The following AARS1 variants were observed in gnomAD, a reference collection of about 807,000 sequenced individuals.
The protein encoded by AARS1 is alanyl-tRNA synthetase 1, also known as alanine--tRNA ligase, cytoplasmic.
A neutral mutation model predicts 108.9 loss-of-function variants in AARS1; 72 were observed. The ratio of observed to expected loss-of-function variants is 0.66; its 90% CI spans 0.55 to 0.80. AARS1 has a LOEUF of 0.80. Among genes scored for constraint, AARS1 ranks in the 30% least tolerant of loss-of-function variants. AARS1 has a pLI of 0.00. For synonymous variants in AARS1, 489 were observed against 465.7 expected (o/e 1.05, Z -0.64); for missense variants, 1,193 against 1,233.2 (o/e 0.97, Z 0.49).
At position 70,285,257 on chromosome 16, in the gene AARS1, G is replaced by A. The variant is rs1235265164; in HGVS notation, c.-21-2473C>T. Among the ~76,000 whole-genome samples, 5 of 151,730 alleles carry A rather than the reference G, an allele frequency of 3.3e-5. No individual in the cohort carries two copies. In the East Asian group the frequency reaches 7.7e-4, roughly 23 times the overall value. On this transcript the variant is annotated intron_variant, in intron 1 of 20. Coordinates refer to ENST00000261772, the MANE Select transcript of AARS1 (RefSeq NM_001605.3). ...AAAAAAAAAAAGGAAAACCTTGAAGGAACAGAATGGATAATATTACTTTTA... is the reference window on the plus strand; with the variant it reads ...AAAAAAAAAAAGGAAAACCTTGAAGAAACAGAATGGATAATATTACTTTTA...
At position 70,260,247 on chromosome 16, in the gene AARS1, A is replaced by G. The variant is rs1359220393; in HGVS notation, c.1785+797T>C. Among the ~76,000 whole-genome samples the G allele has an allele frequency of 2.6e-5, 4 of 152,208 alleles. No individual in the cohort carries two copies. In the East Asian group the frequency reaches 7.7e-4, roughly 29 times the overall value. Reference sequence around the variant, plus strand: ...AGTTTGCCAACCCCTGGCCTAGACAATGGATCTGATAGCTATCCTCTGAAC... The same window carrying G: ...AGTTTGCCAACCCCTGGCCTAGACAGTGGATCTGATAGCTATCCTCTGAAC... On this transcript the variant is annotated intron_variant, in intron 13 of 20. Coordinates refer to ENST00000261772, the MANE Select transcript of AARS1 (RefSeq NM_001605.3).
intron 13 of AARS1, among the ~76,000 whole-genome samples, chr16:70,260,422 G>C (rs1021830223): frequency 4.6e-5 from 7 of 152,074 alleles, no homozygotes; most frequent in Non-Finnish European, 8.8e-5. Flanking sequence ...TCTTACTCTG[G>C]AGCTCTGTCA....
In AARS1 at chr16:70,268,319, G is replaced by T; in HGVS notation, c.1023C>A (p.Ala341=). 1 of 1,614,176 alleles carries T rather than the reference G, an allele frequency of 6.2e-7. No individual in the cohort carries two copies. Among genetic ancestry groups the T allele is most frequent in the Non-Finnish European group, 8.5e-7 (1 of 1,180,026 alleles). Residue 341 remains alanine (A), a synonymous_variant, in exon 8 of 21, where the codon GCC becomes GCA. Transcript: ENST00000261772. ...AVRYAHEKLN[A]SRGFFATLVD... ...CTAACGTAGCAAAGAAGCCCCTGCT[G>T]GCATTGAGCTTTTCATGGGCGTATC...
intron 1 of AARS1, among the ~76,000 whole-genome samples, chr16:70,283,396 A>C (rs1241416386): frequency 1.3e-4 from 19 of 151,954 alleles, no homozygotes; most frequent in Admixed American, 1.2e-3. Context: ...ACTCCGTCTC[A>C]AAAAAACAAA....
chr16:70,276,842 A>G, intron 3 of AARS1, 124 bp downstream of exon 3: 1 of 1,253,472 alleles, frequency 8.0e-7, no homozygotes, highest in Non-Finnish European at 1.1e-6. Context: ...AATAAATGCC[A>G]TTCATTCCTG....
At chr16:70,283,353 C>T (rs1002741378) in intron 1 of AARS1, among the ~76,000 whole-genome samples, 8 of 151,310 alleles carry the variant, frequency 5.3e-5, no homozygotes, top group African/African-American at 1.7e-4. Context: ...GCCAAGACCA[C>T]ACCACTGCAC....
At chr16:70,262,992 A>AC (rs1960177420) in intron 11 of AARS1, among the ~76,000 whole-genome samples, 1 of 141,606 alleles carries the variant, frequency 7.1e-6, no homozygotes, top group Non-Finnish European at 1.5e-5. Flanking sequence ...AAAAAAAAAA[A>AC]AAAAAACAAC....
chr16:70,269,748 G>C lies in AARS1; in HGVS notation c.832C>G (p.Pro278Ala), dbSNP rs1251770154. 2 of 1,614,008 alleles carry C rather than the reference G, an allele frequency of 1.2e-6. No individual in the cohort carries two copies. Among genetic ancestry groups the C allele is most frequent in the Admixed American group, 1.7e-5 (1 of 59,982 alleles). ...TCAGCACCAACTTTCCCAGTGTATG[G>C]TCGGGCACCTGTGCCCTATAGATAA... ...EAIQKGTGARPYTGKVGAEDA... is the reference protein window; with the variant it reads ...EAIQKGTGARAYTGKVGAEDA... The change falls in exon 7 of 21, where the codon CCA becomes GCA. Residue 278 changes from proline to alanine, a missense_variant. Coordinates refer to ENST00000261772, the MANE Select transcript of AARS1 (RefSeq NM_001605.3).
chr16:70,254,054 G>T lies in AARS1; in HGVS notation c.2401-16C>A, dbSNP rs372138128. The T allele has an allele frequency of 6.2e-7, 1 of 1,613,388 alleles. No individual in the cohort carries two copies. Among genetic ancestry groups the T allele is most frequent in the Non-Finnish European group, 8.5e-7 (1 of 1,180,022 alleles). On this transcript the variant is annotated splice_polypyrimidine_tract_variant and intron_variant, in intron 17 of 20. Transcript: ENST00000261772. ...TGGCCAGGGCCTGGAACCAATAGAC[G>T]ACCATCTCAATCTGGGCCACAACTT...
intron 1 of AARS1, among the ~76,000 whole-genome samples, chr16:70,283,597 T>C (rs868565745): frequency 1.3e-5 from 2 of 152,090 alleles, no homozygotes; most frequent in Admixed American, 6.6e-5. Context: ...TCTGTGTTAA[T>C]GTACACGCCT....
chr16:70,275,725 T>A (rs899444665), intron 4 of AARS1, among the ~76,000 whole-genome samples: 6 of 151,478 alleles, frequency 4.0e-5, no homozygotes, highest in Non-Finnish European at 8.8e-5. Flanking sequence ...ATCGCGCCAC[T>A]GCACTCCAGC....
At chr16:70,260,920 C>A in intron 13 of AARS1, 124 bp downstream of exon 13, 1 of 746,168 alleles carries the variant, frequency 1.3e-6, no homozygotes, top group Non-Finnish European at 2.4e-6. Flanking sequence ...CCTCGGCCTC[C>A]CAAAGTGCTG....
intron 2 of AARS1, among the ~76,000 whole-genome samples, chr16:70,281,628 T>G (rs1440971035): frequency 1.3e-5 from 2 of 152,188 alleles, no homozygotes; most frequent in African/African-American, 4.8e-5. Context: ...ATCGTGCCAC[T>G]GCACTCCAGT....
chr16:70,253,279 G>C lies in AARS1; in HGVS notation c.2710C>G (p.Gln904Glu). The change falls in exon 20 of 21, where the codon CAA (glutamine) becomes GAA (glutamate). Residue 904 changes from glutamine (Q) to glutamate (E), a missense_variant. Coordinates refer to ENST00000261772, the MANE Select transcript of AARS1 (RefSeq NM_001605.3). ...GAGGTGGTGCTGACCTGGGGAACTT[G>C]ACACAGGCACGTGATCTTGCCAGCC... ...NEAGKITCLC[Q>E]VPQNAANRGL... 6.2e-7 allele frequency: 1 copy of C among 1,613,704 alleles called. No individual in the cohort carries two copies. The highest frequency in any genetic ancestry group is 8.5e-7 in the Non-Finnish European group (1 of 1,179,610).
intron 7 of AARS1, among the ~76,000 whole-genome samples, chr16:70,268,658 T>G (rs1960322880): frequency 6.6e-6 from 1 of 152,294 alleles, no homozygotes; most frequent in South Asian, 2.1e-4. Flanking sequence ...GTGTACTTGA[T>G]GCCTGTGATC....
At chr16:70,284,998 G>A (rs1960804296) in intron 1 of AARS1, among the ~76,000 whole-genome samples, 1 of 152,194 alleles carries the variant, frequency 6.6e-6, no homozygotes, top group African/African-American at 2.4e-5. Context: ...GGGAGGCCAA[G>A]GTGGGTGGAT....
At chr16:70,286,508 G>C (rs1960844665) in intron 1 of AARS1, among the ~76,000 whole-genome samples, 1 of 151,746 alleles carries the variant, frequency 6.6e-6, no homozygotes, top group African/African-American at 2.4e-5. Flanking sequence ...CTACAGGCAT[G>C]TGCCACCAAA....
intron 13 of AARS1, 61 bp from the exon 14 acceptor site, chr16:70,259,247 T>C: frequency 6.6e-7 from 1 of 1,518,830 alleles, no homozygotes; most frequent in South Asian, 1.1e-5. Flanking sequence ...ATCTCCTCGT[T>C]ATCTGCTCCC....
chr16:70,274,579 C>G (rs139244364), intron 4 of AARS1, among the ~76,000 whole-genome samples: 1,660 of 151,762 alleles, frequency 0.011, 31 homozygotes, highest in African/African-American at 0.038. Flanking sequence ...CAAAAATTAG[C>G]CAGGCGTGGT....
Sources: gnomAD v4.1 joint callset for allele counts (sites outside exome capture counted in the v4.1 genomes callset) on GRCh38, gnomAD v4.1.1 for gene constraint, MANE v1.5 for transcripts, NCBI Gene and HGNC (gene_info 2026-07-23, HGNC 2026-07-21) for gene names.